ZFPM2: variants seen among roughly 807,000 people sequenced by gnomAD.
ZFPM2 encodes zinc finger protein, FOG family member 2.
ZFPM2 carries 20 observed loss-of-function variants against 98.6 expected under a neutral mutation model. The ratio of observed to expected loss-of-function variants is 0.20; its 90% CI spans 0.14 to 0.29. The LOEUF is 0.29. Among genes scored for constraint, ZFPM2 ranks in the 10% least tolerant of loss-of-function variants. ZFPM2 has a pLI of 1.00. For synonymous variants in ZFPM2, 518 were observed against 502.7 expected (o/e 1.03, Z -0.41); for missense variants, 1,310 against 1,388.6 (o/e 0.94, Z 0.90).
chr8:105,656,940 A>G (rs528115884), intron 5 of ZFPM2, among the ~76,000 whole-genome samples: 6 of 152,226 alleles, frequency 3.9e-5, no homozygotes, highest in Admixed American at 2.0e-4. Context: ...CACTCGAGAA[A>G]TATTTGGTGG....
intron 3 of ZFPM2, among the ~76,000 whole-genome samples, chr8:105,507,132 TTAA>T (rs1474869011): frequency 1.3e-5 from 2 of 152,128 alleles, no homozygotes; most frequent in Non-Finnish European, 2.9e-5. Flanking sequence ...TGTTTTGTTA[TTAA>T]TAAGATGATT....
chr8:105,400,387 A>G (rs1296944138), intron 1 of ZFPM2, among the ~76,000 whole-genome samples: 1 of 152,072 alleles, frequency 6.6e-6, no homozygotes, highest in Non-Finnish European at 1.5e-5. Flanking sequence ...AGCATTAGGT[A>G]TATCTCCCAG....
chr8:105,458,062 C>T (rs1270284916), intron 3 of ZFPM2, among the ~76,000 whole-genome samples: 2 of 152,150 alleles, frequency 1.3e-5, no homozygotes, highest in African/African-American at 4.8e-5. Flanking sequence ...TGACTTGGCT[C>T]TTGGCTGTTG....
chr8:105,667,053 T>C (rs988652375), intron 5 of ZFPM2, among the ~76,000 whole-genome samples: 2 of 152,224 alleles, frequency 1.3e-5, no homozygotes, highest in African/African-American at 4.8e-5. Context: ...ACAGTTTTTA[T>C]TTGAAAGAAT....
In ZFPM2 at chr8:105,743,347, G is replaced by A. The variant is rs1347475257; in HGVS notation, c.533-45371G>A. Among the ~76,000 whole-genome samples the A allele has an allele frequency of 3.3e-5, 5 of 152,002 alleles. No individual in the cohort carries two copies. The South Asian group carries it at 8.3e-4, about 25-fold the overall frequency. ...ATCAGACCATGGGGGTGAGGGCCAT[G>A]GGAATCTTGGACTCCTAGGAATGAC... On this transcript the variant is annotated intron_variant, in intron 5 of 7. Transcript: ENST00000407775.
chr8:105,341,602 A>G (rs1812432871), intron 1 of ZFPM2, among the ~76,000 whole-genome samples: 2 of 152,058 alleles, frequency 1.3e-5, no homozygotes, highest in Admixed American at 1.3e-4. Context: ...TTTTATATAT[A>G]TATGTATTTC....
intron 3 of ZFPM2, among the ~76,000 whole-genome samples, chr8:105,537,882 C>T (rs1057434603): frequency 6.6e-6 from 1 of 151,962 alleles, no homozygotes; most frequent in Non-Finnish European, 1.5e-5. Flanking sequence ...CAGGTGTGTG[C>T]CACCACGCCT....
chr8:105,345,449 T>TA (rs1468584421), intron 1 of ZFPM2, among the ~76,000 whole-genome samples: 1 of 137,068 alleles, frequency 7.3e-6, no homozygotes, highest in Non-Finnish European at 1.6e-5. Context: ...TTTTTTTTTT[T>TA]AAGTCCTGTG....
In ZFPM2 at chr8:105,454,575, G is replaced by A. The variant is rs758723231; in HGVS notation, c.301+10194G>A. 5.3e-5 allele frequency among the ~76,000 whole-genome samples: 8 copies of A among 152,158 alleles called. No homozygotes were observed. In the South Asian group the frequency reaches 1.2e-3, roughly 24 times the overall value. ...TGATTTAGGTGTTTCAGCCTGATCCGATGTTTGTGAAGTTTCTGATCAACT... is the reference window on the plus strand; with the variant it reads ...TGATTTAGGTGTTTCAGCCTGATCCAATGTTTGTGAAGTTTCTGATCAACT... On this transcript the variant is annotated intron_variant, in intron 3 of 7. Coordinates refer to ENST00000407775, the MANE Select transcript of ZFPM2 (RefSeq NM_012082.4).
At chr8:105,323,073 C>T (rs964741146) in intron 1 of ZFPM2, among the ~76,000 whole-genome samples, 3 of 151,602 alleles carry the variant, frequency 2.0e-5, no homozygotes, top group Admixed American at 2.0e-4. Flanking sequence ...ATTTCTATAA[C>T]CTTAAAATTA....
intron 5 of ZFPM2, among the ~76,000 whole-genome samples, chr8:105,697,974 GGTCCT>G (rs1811058304): frequency 2.0e-5 from 3 of 152,054 alleles, no homozygotes; most frequent in African/African-American, 7.2e-5. Flanking sequence ...AGGGTTAGCT[GGTCCT>G]TAAATTCATT....
At chr8:105,521,255 G>T (rs1814053073) in intron 3 of ZFPM2, among the ~76,000 whole-genome samples, 1 of 151,848 alleles carries the variant, frequency 6.6e-6, no homozygotes. Context: ...GAAACTGTGA[G>T]CAATTTCTAG....
chr8:105,686,163 G>T (rs555039133), intron 5 of ZFPM2, among the ~76,000 whole-genome samples: 7 of 151,934 alleles, frequency 4.6e-5, no homozygotes, highest in Non-Finnish European at 1.0e-4. Context: ...CAACATTCTT[G>T]TACAGTAGGT....
chr8:105,715,912 G>A (rs1017812978), intron 5 of ZFPM2, among the ~76,000 whole-genome samples: 2 of 151,906 alleles, frequency 1.3e-5, no homozygotes, highest in African/African-American at 2.4e-5. Context: ...TGATTCATAC[G>A]GAGTGTCTAA....
chr8:105,802,503 G>A lies in ZFPM2; in HGVS notation c.2421G>A (p.Lys807=). Reference sequence around the variant, plus strand: ...TGGAAACTTCTCTGACGATCAACAAGTGTGTTCCAGTTTCCAAATGTGATA... The same window carrying A: ...TGGAAACTTCTCTGACGATCAACAAATGTGTTCCAGTTTCCAAATGTGATA... ...KHLETSLTIN[K]CVPVSKCDTT... Residue 807 remains lysine (K), a synonymous_variant, in exon 8 of 8, where the codon AAG becomes AAA. Transcript: ENST00000407775. 1 of 1,612,386 alleles carries A rather than the reference G, an allele frequency of 6.2e-7. No individual in the cohort carries two copies. Among genetic ancestry groups the A allele is most frequent in the Non-Finnish European group, 8.5e-7 (1 of 1,179,184 alleles).
intron 1 of ZFPM2, among the ~76,000 whole-genome samples, chr8:105,408,807 G>A (rs892575109): frequency 1.4e-4 from 21 of 151,758 alleles, no homozygotes; most frequent in Non-Finnish European, 1.2e-4. Context: ...CCAGGAGCAG[G>A]AGGCACACCT....
chr8:105,478,880 C>T (rs1384730075), intron 3 of ZFPM2, among the ~76,000 whole-genome samples: 3 of 152,116 alleles, frequency 2.0e-5, no homozygotes, highest in African/African-American at 4.8e-5. Flanking sequence ...GTGAGGATTT[C>T]GTGGAATGCT....
At chr8:105,418,056 C>G (rs1266145775) in intron 1 of ZFPM2, among the ~76,000 whole-genome samples, 1 of 151,968 alleles carries the variant, frequency 6.6e-6, no homozygotes, top group Admixed American at 6.6e-5. Context: ...TCTTATTTAT[C>G]TACATATATA....
intron 3 of ZFPM2, among the ~76,000 whole-genome samples, chr8:105,486,635 A>C (rs900692283): frequency 6.6e-6 from 1 of 152,188 alleles, no homozygotes; most frequent in Non-Finnish European, 1.5e-5. Context: ...TGAAATTTAC[A>C]TCATATAAGA....
Sources: allele counts gnomAD v4.1 joint callset (sites outside exome capture counted in the v4.1 genomes callset), GRCh38; gene constraint gnomAD v4.1.1; transcripts MANE v1.5; gene names NCBI Gene and HGNC (gene_info 2026-07-23, HGNC 2026-07-21).